Variants in TTLL5 observed in about 807,000 individuals in gnomAD.
TTLL5 encodes tubulin polyglutamylase TTLL5.
Under a neutral mutation model 168.4 loss-of-function variants are expected in TTLL5, and 132 were observed. The ratio of observed to expected loss-of-function variants is 0.78; its 90% confidence interval spans 0.68 to 0.91. The LOEUF (loss-of-function observed/expected upper bound fraction) is 0.91, where lower values mean the gene tolerates loss of function less well. Ranked by LOEUF, TTLL5 falls within the 40% of genes least tolerant of loss-of-function variation. The pLI is 0.00. For missense variants in TTLL5, 1,545 were observed against 1,581.5 expected (o/e 0.98, Z 0.39); for synonymous variants, 546 against 558.6 (o/e 0.98, Z 0.32).
intron 28 of TTLL5, among the ~76,000 whole-genome samples, chr14:75,827,714 T>A: frequency 8.1e-6 from 1 of 122,844 alleles, no homozygotes; most frequent in African/African-American, 3.3e-5. Flanking sequence ...GTTCTTTTTT[T>A]TTTTTTTTTT....
At chr14:75,673,685 A>G (rs796988260) in intron 3 of TTLL5, among the ~76,000 whole-genome samples, 2 of 152,286 alleles carry the variant, frequency 1.3e-5, no homozygotes, top group South Asian at 2.1e-4. Flanking sequence ...TGTGCTGCTT[A>G]TTTTACTGAT....
chr14:75,915,812 T>G (rs1201698521), intron 31 of TTLL5, among the ~76,000 whole-genome samples: 1 of 151,766 alleles, frequency 6.6e-6, no homozygotes, highest in Admixed American at 6.5e-5. Context: ...ACCTCACACC[T>G]TTAGGATGGC....
intron 31 of TTLL5, among the ~76,000 whole-genome samples, chr14:75,941,007 T>C (rs908760083): frequency 1.3e-5 from 2 of 152,206 alleles, no homozygotes; most frequent in African/African-American, 4.8e-5. Context: ...AAGGAAATCT[T>C]CCCCCATAGA....
chr14:75,886,815 TGA>T, intron 30 of TTLL5: 1 of 1,571,566 alleles, frequency 6.4e-7, no homozygotes, highest in East Asian at 2.3e-5. Context: ...CTCTTGTAAA[TGA>T]GCTTTTTTCA....
At chr14:75,791,081 G>C (rs1329647764) in intron 26 of TTLL5, among the ~76,000 whole-genome samples, 2 of 128,264 alleles carry the variant, frequency 1.6e-5, no homozygotes, top group Admixed American at 8.3e-5. Flanking sequence ...GCTTCAGCCT[G>C]GGTGACAGAG....
chr14:75,887,983 C>A (rs939383196), intron 30 of TTLL5, among the ~76,000 whole-genome samples: 2 of 152,134 alleles, frequency 1.3e-5, no homozygotes, highest in African/African-American at 4.8e-5. Context: ...TGTATAGTGT[C>A]TTCTGGGAGA....
chr14:75,883,950 A>G (rs1231199984), intron 30 of TTLL5, among the ~76,000 whole-genome samples: 2 of 152,212 alleles, frequency 1.3e-5, no homozygotes, highest in Non-Finnish European at 2.9e-5. Context: ...CTCTGTAGCC[A>G]GACTGCCTGG....
At chr14:75,791,011 C>T (rs1417080836) in intron 26 of TTLL5, among the ~76,000 whole-genome samples, 1 of 140,238 alleles carries the variant, frequency 7.1e-6, no homozygotes, top group Admixed American at 7.6e-5. Flanking sequence ...GAGGCTGAGG[C>T]GGGAGATTGG....
At chr14:75,710,407 C>G (rs932776443) in intron 9 of TTLL5, 1 of 146,628 alleles carries the variant, frequency 6.8e-6, no homozygotes, top group Non-Finnish European at 1.5e-5. Context: ...TATACACACA[C>G]ACACACACAC....
intron 12 of TTLL5, among the ~76,000 whole-genome samples, chr14:75,723,707 C>G (rs1432551039): frequency 6.6e-6 from 1 of 152,160 alleles, no homozygotes; most frequent in Non-Finnish European, 1.5e-5. Context: ...GTGGAAGAAG[C>G]TGTGACTTTC....
chr14:75,924,773 C>T lies in TTLL5; in HGVS notation c.3823+22549C>T, dbSNP rs534400688. On this transcript the variant is annotated intron_variant, in intron 31 of 31. Coordinates refer to ENST00000298832, the MANE Select transcript of TTLL5 (RefSeq NM_015072.5). ...TTCCACAAAACCGCCATTGTCATCC[C>T]GGCCCGCTCTCAATGAGCTGCTGGG... 7.2e-5 allele frequency among the ~76,000 whole-genome samples: 11 copies of T among 152,140 alleles called. 1 individual carries two copies. Among genetic ancestry groups the T allele is most frequent in the Admixed American group, 2.0e-4 (3 of 15,312 alleles).
chr14:75,714,060 T>C (rs926041183), intron 9 of TTLL5, among the ~76,000 whole-genome samples: 1 of 152,118 alleles, frequency 6.6e-6, no homozygotes, highest in African/African-American at 2.4e-5. Context: ...CCTTAGTCTT[T>C]CTTTGACTTT....
At chr14:75,785,616 G>T (rs1347895419) in intron 26 of TTLL5, among the ~76,000 whole-genome samples, 1 of 152,118 alleles carries the variant, frequency 6.6e-6, no homozygotes, top group Non-Finnish European at 1.5e-5. Context: ...CATCATTTGT[G>T]GAAAAGAGTA....
chr14:75,879,086 A>G (rs2031662267), intron 29 of TTLL5, among the ~76,000 whole-genome samples: 1 of 152,214 alleles, frequency 6.6e-6, no homozygotes, highest in Non-Finnish European at 1.5e-5. Flanking sequence ...TGTAGGGGAA[A>G]CTAAAATTAA....
chr14:75,737,668 T>C, intron 15 of TTLL5: 1 of 1,479,936 alleles, frequency 6.8e-7, no homozygotes, highest in Non-Finnish European at 9.0e-7. Context: ...AAATGGAAAG[T>C]TTTTTAGCTT....
At chr14:75,843,964 G>A (rs1344758636) in intron 28 of TTLL5, among the ~76,000 whole-genome samples, 3 of 150,750 alleles carry the variant, frequency 2.0e-5, no homozygotes, top group South Asian at 2.1e-4. Flanking sequence ...CATGATCTCG[G>A]CTCACTGCAA....
chr14:75,723,211 T>C (rs773944863), intron 12 of TTLL5, among the ~76,000 whole-genome samples: 1 of 152,128 alleles, frequency 6.6e-6, no homozygotes, highest in Non-Finnish European at 1.5e-5. Flanking sequence ...TGCCTCAGCC[T>C]CCCGAGTAGC....
intron 26 of TTLL5, among the ~76,000 whole-genome samples, chr14:75,791,737 A>G (rs1271167202): frequency 1.3e-5 from 2 of 152,170 alleles, no homozygotes; most frequent in Non-Finnish European, 2.9e-5. Flanking sequence ...AATATAGTAA[A>G]CGTGAAAAAG....
At chr14:75,914,017 GAAAA>G (rs1201862659) in intron 31 of TTLL5, among the ~76,000 whole-genome samples, 463 of 31,070 alleles carry the variant, frequency 0.015, 79 homozygotes, top group African/African-American at 0.092. Flanking sequence ...TGTTTAAAAG[GAAAA>G]AAAAAAAAAA....
Sources: gnomAD v4.1 joint callset for allele counts (sites outside exome capture counted in the v4.1 genomes callset) on GRCh38, gnomAD v4.1.1 for gene constraint, MANE v1.5 for transcripts, NCBI Gene and HGNC (gene_info 2026-07-23, HGNC 2026-07-21) for gene names.